Variants in TRPM3 observed in about 807,000 individuals in gnomAD.
TRPM3 encodes the protein long transient receptor potential channel 3.
Under a neutral mutation model 181.2 loss-of-function variants are expected in TRPM3, and 77 were observed. The ratio of observed to expected loss-of-function variants is 0.42; its 90% CI spans 0.35 to 0.51. TRPM3 has a LOEUF of 0.51. Ranked by LOEUF, TRPM3 falls within the 20% of genes least tolerant of loss-of-function variation. TRPM3 has a pLI of 0.01. For missense variants in TRPM3, 1,759 were observed against 2,196.7 expected (o/e 0.80, Z 3.98); for synonymous variants, 745 against 796.4 (o/e 0.94, Z 1.09).
At chr9:71,418,304 G>A (rs1282059949) in intron 1 of TRPM3, among the ~76,000 whole-genome samples, 2 of 151,858 alleles carry the variant, frequency 1.3e-5, no homozygotes, top group Non-Finnish European at 2.9e-5. Flanking sequence ...AGAATCTCCA[G>A]GAGGTTCAAG....
intron 8 of TRPM3, among the ~76,000 whole-genome samples, chr9:70,746,138 C>A (rs932478233): frequency 2.6e-4 from 40 of 152,256 alleles, no homozygotes; most frequent in Non-Finnish European, 5.0e-4. Flanking sequence ...GACACCCTGA[C>A]CTGACAAGTA....
intron 1 of TRPM3, among the ~76,000 whole-genome samples, chr9:70,929,758 T>G (rs2096756862): frequency 6.6e-6 from 1 of 152,210 alleles, no homozygotes; most frequent in African/African-American, 2.4e-5. Context: ...AAGAGCTCAG[T>G]AAGTGCTTGA....
At chr9:70,605,502 C>T (rs2060899120) in intron 19 of TRPM3, among the ~76,000 whole-genome samples, 1 of 152,018 alleles carries the variant, frequency 6.6e-6, no homozygotes, top group Non-Finnish European at 1.5e-5. Flanking sequence ...TCCTACCCCT[C>T]CCCATCTTCA....
At chr9:71,283,536 C>T (rs1343109154) in intron 1 of TRPM3, among the ~76,000 whole-genome samples, 2 of 152,184 alleles carry the variant, frequency 1.3e-5, no homozygotes, top group Non-Finnish European at 2.9e-5. Flanking sequence ...AATCTCCTGA[C>T]CTCGTGATCC....
At chr9:71,053,728 C>T (rs1440315488) in intron 1 of TRPM3, among the ~76,000 whole-genome samples, 1 of 152,094 alleles carries the variant, frequency 6.6e-6, no homozygotes, top group Non-Finnish European at 1.5e-5. Context: ...GGTCTGCCTC[C>T]TCACACTCCT....
chr9:70,541,831 A>T (rs981314399), intron 25 of TRPM3, among the ~76,000 whole-genome samples: 4 of 152,042 alleles, frequency 2.6e-5, no homozygotes, highest in African/African-American at 4.8e-5. Context: ...CTTTAAAAAA[A>T]TTTTTTTGAG....
chr9:71,005,246 A>C (rs1282086892), intron 1 of TRPM3, among the ~76,000 whole-genome samples: 1 of 152,100 alleles, frequency 6.6e-6, no homozygotes, highest in Non-Finnish European at 1.5e-5. Context: ...ATTTCTACTA[A>C]AAATACAAAA....
At position 71,164,450 on chromosome 9, in the gene TRPM3, G is replaced by T. The variant is rs77097327; in HGVS notation, c.183+282203C>A. Reference sequence around the variant, plus strand: ...TATGGCTGGAGGAGAGGCAAACGGGGAAGTCTGTACACCCCACAGCCTGCT... The same window carrying T: ...TATGGCTGGAGGAGAGGCAAACGGGTAAGTCTGTACACCCCACAGCCTGCT... On this transcript the variant is annotated intron_variant, in intron 1 of 24. Transcript: ENST00000357533. 3.3e-5 allele frequency among the ~76,000 whole-genome samples: 5 copies of T among 152,136 alleles called. No homozygotes were observed. The East Asian group carries it at 9.7e-4, about 29-fold the overall frequency.
chr9:71,120,977 G>T (rs1017499979), intron 1 of TRPM3, among the ~76,000 whole-genome samples: 2 of 148,750 alleles, frequency 1.3e-5, no homozygotes, highest in South Asian at 4.3e-4. Context: ...CCAGCCTCTT[G>T]TCTCTGACAC....
At chr9:71,422,494 C>A (rs1172522737) in intron 1 of TRPM3, among the ~76,000 whole-genome samples, 14 of 151,920 alleles carry the variant, frequency 9.2e-5, no homozygotes, top group Non-Finnish European at 4.4e-5. Flanking sequence ...TGACCACATG[C>A]CTAATTTCCC....
intron 1 of TRPM3, among the ~76,000 whole-genome samples, chr9:70,995,218 G>A (rs2097530686): frequency 1.3e-5 from 2 of 152,104 alleles, no homozygotes; most frequent in South Asian, 4.1e-4. Flanking sequence ...TAAGATGTCG[G>A]CATTTCCTAA....
chr9:71,269,816 G>A (rs992216265), intron 1 of TRPM3, among the ~76,000 whole-genome samples: 1 of 152,174 alleles, frequency 6.6e-6, no homozygotes, highest in African/African-American at 2.4e-5. Flanking sequence ...CCTCTTTCAT[G>A]ATGGCAGAAT....
chr9:70,645,055 G>GAGAGGACAC (rs2058628334), intron 9 of TRPM3, among the ~76,000 whole-genome samples: 1 of 152,114 alleles, frequency 6.6e-6, no homozygotes, highest in African/African-American at 2.4e-5. Flanking sequence ...AAGGAAATAA[G>GAGAGGACAC]AGAGGACACA....
intron 1 of TRPM3, among the ~76,000 whole-genome samples, chr9:71,413,778 G>T (rs2093597240): frequency 6.6e-6 from 1 of 151,964 alleles, no homozygotes; most frequent in Admixed American, 6.6e-5. Flanking sequence ...CATTTTGGAA[G>T]CTGAGAGACT....
At chr9:71,096,582 A>ACT in intron 1 of TRPM3, among the ~76,000 whole-genome samples, 2 of 105,048 alleles carry the variant, frequency 1.9e-5, no homozygotes, top group Non-Finnish European at 3.9e-5. Context: ...ACACACACAC[A>ACT]CACACACACT....
intron 11 of TRPM3, among the ~76,000 whole-genome samples, chr9:70,637,368 C>A (rs2057373981): frequency 6.6e-6 from 1 of 152,056 alleles, no homozygotes. Context: ...GTTCCATAAT[C>A]CTCAACAAAG....
chr9:70,542,323 A>G (rs1201922918), intron 25 of TRPM3, among the ~76,000 whole-genome samples: 3 of 152,198 alleles, frequency 2.0e-5, no homozygotes, highest in African/African-American at 4.8e-5. Context: ...GTGACTAAGA[A>G]AAAAAGAGGC....
intron 1 of TRPM3, among the ~76,000 whole-genome samples, chr9:71,259,002 G>T: frequency 6.6e-6 from 1 of 152,110 alleles, no homozygotes; most frequent in East Asian, 1.9e-4. Context: ...CCATCAACCC[G>T]TCATCTACAT....
At chr9:71,289,182 ACAG>A in intron 1 of TRPM3, among the ~76,000 whole-genome samples, 1 of 152,180 alleles carries the variant, frequency 6.6e-6, no homozygotes, top group East Asian at 1.9e-4. Context: ...AGAGAGAGAG[ACAG>A]CAGAAAACGC....
Sources: gnomAD v4.1 joint callset for allele counts (sites outside exome capture counted in the v4.1 genomes callset) on GRCh38, gnomAD v4.1.1 for gene constraint, MANE v1.5 for transcripts, NCBI Gene and HGNC (gene_info 2026-07-23, HGNC 2026-07-21) for gene names.